FKBP1B: variants seen among roughly 807,000 people sequenced by gnomAD.
The protein encoded by FKBP1B is peptidyl-prolyl cis-trans isomerase FKBP1B.
A neutral mutation model predicts 13.5 loss-of-function variants in FKBP1B; 4 were observed. The ratio of observed to expected loss-of-function variants is 0.30; its 90% CI spans 0.15 to 0.68. The LOEUF (loss-of-function observed/expected upper bound fraction) is 0.68, where lower values mean the gene tolerates loss of function less well. Ranked by LOEUF, FKBP1B falls within the 30% of genes least tolerant of loss-of-function variation. The pLI is 0.76. For missense variants in FKBP1B, 93 were observed against 136.2 expected (o/e 0.68, Z 1.58); for synonymous variants, 54 against 53.6 (o/e 1.01, Z -0.03).
chr2:24,044,140 C>T, the FKBP1B span, among the ~76,000 whole-genome samples: 1 of 152,312 alleles, frequency 6.6e-6, no homozygotes, highest in East Asian at 1.9e-4. Context: ...GGGCCAATTA[C>T]ATCCAAGTCG....
At position 24,063,470 on chromosome 2, in the gene FKBP1B, ATCTCTT is replaced by A; in HGVS notation, c.*279_*284del. Reference sequence around the variant, plus strand: ...AGCCTTTCCTGATGACAGAACACAGATCTCTTGTTCGCACAATCTACACTGCCTTAC... The same window carrying A: ...AGCCTTTCCTGATGACAGAACACAGAGTTCGCACAATCTACACTGCCTTAC... On this transcript the variant is annotated 3_prime_UTR_variant, in exon 4 of 4. Coordinates refer to ENST00000380986, the MANE Select transcript of FKBP1B (RefSeq NM_004116.5). The A allele has an allele frequency of 2.8e-5, 10 of 358,478 alleles. No individual in the cohort carries two copies. Among genetic ancestry groups the A allele is most frequent in the South Asian group, 8.0e-5 (1 of 12,504 alleles). The allele number at this position is 358,478 out of a possible 1,614,324, so 22.2% of individuals were successfully genotyped here.
At chr2:24,061,326 T>A (rs934165542) in intron 3 of FKBP1B, among the ~76,000 whole-genome samples, 5 of 152,058 alleles carry the variant, frequency 3.3e-5, no homozygotes, top group Admixed American at 1.3e-4. Context: ...TGGTGGTGCA[T>A]GCCTGTAATC....
chr2:24,037,558 A>G, the FKBP1B span: 1 of 1,179,974 alleles, frequency 8.5e-7, no homozygotes, highest in Non-Finnish European at 1.2e-6. Context: ...GTAACATAAC[A>G]TGCCCAGCTT....
chr2:24,062,576 AG>A (rs2150973460), intron 3 of FKBP1B, among the ~76,000 whole-genome samples: 1 of 152,270 alleles, frequency 6.6e-6, no homozygotes, highest in Non-Finnish European at 1.5e-5. Flanking sequence ...GCTTCCCAAA[AG>A]TGCTGGGATT....
At chr2:24,037,786 T>C in the FKBP1B span, 1 of 1,614,274 alleles carries the variant, frequency 6.2e-7, no homozygotes, top group Non-Finnish European at 8.5e-7. Context: ...CCGTTGCATT[T>C]CAACCAGGTT....
the FKBP1B span, chr2:24,039,312 A>G: frequency 1.2e-6 from 2 of 1,614,140 alleles, no homozygotes; most frequent in East Asian, 4.5e-5. Context: ...AGGACAACCC[A>G]CAGACACATT....
upstream of FKBP1B, among the ~76,000 whole-genome samples, chr2:24,046,873 A>G (rs149436234): frequency 1.6e-4 from 25 of 152,302 alleles, no homozygotes; most frequent in East Asian, 4.6e-3. Flanking sequence ...ATCTAACATT[A>G]TATATTAGCA....
chr2:24,037,453 T>C, the FKBP1B span, among the ~76,000 whole-genome samples: 2 of 152,250 alleles, frequency 1.3e-5, no homozygotes, highest in Non-Finnish European at 2.9e-5. Flanking sequence ...TTCCACGTCA[T>C]GCACCTGATA....
upstream of FKBP1B, among the ~76,000 whole-genome samples, chr2:24,048,356 A>C (rs1663698815): frequency 6.6e-6 from 1 of 151,558 alleles, no homozygotes; most frequent in South Asian, 2.1e-4. Flanking sequence ...CTGTAATCCC[A>C]GCTACTTGGG....
At chr2:24,062,677 C>T (rs911749471) in intron 3 of FKBP1B, among the ~76,000 whole-genome samples, 5 of 152,258 alleles carry the variant, frequency 3.3e-5, no homozygotes, top group African/African-American at 1.2e-4. Flanking sequence ...AAATAACTGC[C>T]CCTGTCACCT....
the FKBP1B span, among the ~76,000 whole-genome samples, chr2:24,036,195 A>T: frequency 6.6e-5 from 10 of 151,930 alleles, no homozygotes; most frequent in South Asian, 1.7e-3. Context: ...AATGTGGCAA[A>T]AATCCTCTTT....
intron 2 of FKBP1B, among the ~76,000 whole-genome samples, chr2:24,060,246 C>T (rs1469435511): frequency 2.0e-5 from 3 of 151,962 alleles, no homozygotes; most frequent in South Asian, 2.1e-4. Flanking sequence ...GTGACTTGGT[C>T]GTGGTAATAG....
chr2:24,034,305 C>T, the FKBP1B span, among the ~76,000 whole-genome samples: 127 of 152,218 alleles, frequency 8.3e-4, no homozygotes, highest in African/African-American at 2.9e-3. Context: ...CCTGTAATCC[C>T]AACTACCTGG....
chr2:24,052,134 AAT>A (rs1463793020), intron 1 of FKBP1B, among the ~76,000 whole-genome samples: 4 of 152,112 alleles, frequency 2.6e-5, no homozygotes, highest in Non-Finnish European at 5.9e-5. Context: ...CCGCTTCGAA[AAT>A]ATGTCTCCAA....
chr2:24,051,017 A>T (rs1439110604), intron 1 of FKBP1B, among the ~76,000 whole-genome samples: 1 of 152,088 alleles, frequency 6.6e-6, no homozygotes, highest in Non-Finnish European at 1.5e-5. Context: ...CCAATCTCAT[A>T]TTCACTCCCT....
chr2:24,039,263 C>T, the FKBP1B span: 22 of 1,614,082 alleles, frequency 1.4e-5, no homozygotes, highest in African/African-American at 1.3e-4. Context: ...TGCTGGACAG[C>T]GAGTAGAACA....
the FKBP1B span, among the ~76,000 whole-genome samples, chr2:24,042,759 G>A: frequency 6.6e-5 from 10 of 151,380 alleles, no homozygotes; most frequent in South Asian, 6.2e-4. Flanking sequence ...AGAGCCAGGC[G>A]CGGCGGCTCA....
At chr2:24,044,817 TAAAA>T (rs747340836), upstream of FKBP1B, among the ~76,000 whole-genome samples, 4 of 103,928 alleles carry the variant, frequency 3.8e-5, no homozygotes, top group Admixed American at 1.1e-4. Flanking sequence ...GAATTATCTT[TAAAA>T]AAAAAAAAAA....
chr2:24,039,510 T>A, the FKBP1B span: 8 of 1,604,862 alleles, frequency 5.0e-6, no homozygotes, highest in African/African-American at 8.0e-5. Flanking sequence ...TGATAAAGGT[T>A]ACCTGAAATG....
Sources: gnomAD v4.1 joint callset for allele counts (sites outside exome capture counted in the v4.1 genomes callset) on GRCh38, gnomAD v4.1.1 for gene constraint, MANE v1.5 for transcripts, NCBI Gene and HGNC (gene_info 2026-07-23, HGNC 2026-07-21) for gene names.